COLGALT2: variants seen among roughly 807,000 people sequenced by gnomAD.
The protein encoded by COLGALT2 is procollagen galactosyltransferase 2.
In COLGALT2, 49 loss-of-function variants were observed where a neutral mutation model predicts 73.4. That is an observed-to-expected ratio of 0.67 (90% CI 0.53 to 0.85). The LOEUF is 0.85. Ranked by LOEUF, COLGALT2 falls within the 40% of genes least tolerant of loss-of-function variation. The pLI, the probability that COLGALT2 is intolerant of heterozygous loss-of-function variation, is 0.00. For missense variants in COLGALT2, 722 were observed against 790.2 expected, an observed-to-expected ratio of 0.91 and a Z score of 1.03; for synonymous variants, 295 against 307.6, an observed-to-expected ratio of 0.96 and a Z score of 0.43.
chr1:183,989,092 T>A (rs1347357539), intron 1 of COLGALT2, among the ~76,000 whole-genome samples: 1 of 152,254 alleles, frequency 6.6e-6, no homozygotes, highest in African/African-American at 2.4e-5. Context: ...CTTTGATATG[T>A]ATTTTTCTTA....
chr1:184,018,275 GAAAAA>G (rs5779195), intron 1 of COLGALT2, among the ~76,000 whole-genome samples: 2 of 151,372 alleles, frequency 1.3e-5, no homozygotes, highest in Admixed American at 1.3e-4. Flanking sequence ...GTTTCAAAAA[GAAAAA>G]AAAAATTATA....
Position 183,936,864 on chromosome 1 carries a change from A to T in COLGALT2, c.*1897T>A. On this transcript the variant is annotated 3_prime_UTR_variant, in exon 12 of 12. Transcript: ENST00000361927. ...CTGGTCAGTGTAGAAGGGTACCCACAGTGAGTCGGGAAGGAAGGCCGAGGC... is the reference window on the plus strand; with the variant it reads ...CTGGTCAGTGTAGAAGGGTACCCACTGTGAGTCGGGAAGGAAGGCCGAGGC... The T allele has an allele frequency of 8.1e-7, 1 of 1,231,760 alleles. No individual in the cohort carries two copies. Among genetic ancestry groups the T allele is most frequent in the Non-Finnish European group, 1.0e-6 (1 of 988,028 alleles). 76.3% of individuals were successfully genotyped at this position (1,231,760 alleles called of 1,614,324 possible).
rs527582907 is a variant in COLGALT2 at position 184,008,839 on chromosome 1, T to C, written c.263+28256A>G. ...GAAAAATACACTGAAGTATTTTTAG[T>C]AGAGGCATGAGGTTTGCAAACTATC... On this transcript the variant is annotated intron_variant, in intron 1 of 11. Coordinates refer to ENST00000361927, the MANE Select transcript of COLGALT2 (RefSeq NM_015101.4). 6.6e-4 allele frequency among the ~76,000 whole-genome samples: 100 copies of C among 152,304 alleles called. 1 individual carries two copies. In the South Asian group the frequency reaches 0.013, roughly 20 times the overall value.
chr1:183,963,576 G>C (rs1670780126), intron 6 of COLGALT2, among the ~76,000 whole-genome samples: 1 of 152,114 alleles, frequency 6.6e-6, no homozygotes, highest in East Asian at 1.9e-4. Flanking sequence ...CTTGCTCAAA[G>C]TCATATAATT....
intron 1 of COLGALT2, among the ~76,000 whole-genome samples, chr1:183,989,492 TGGA>T (rs1445081402): frequency 6.6e-6 from 1 of 152,192 alleles, no homozygotes; most frequent in East Asian, 1.9e-4. Flanking sequence ...CTCTATTCTC[TGGA>T]GGAGAACTGG....
intron 8 of COLGALT2, 85 bp downstream of exon 8, chr1:183,950,922 A>G (rs1468161932): frequency 7.2e-6 from 7 of 975,242 alleles, no homozygotes; most frequent in Non-Finnish European, 1.1e-5. Flanking sequence ...AGAGACTTAG[A>G]GCCCCACCTG....
rs536075475 is a variant in COLGALT2, at chr1:184,000,137, T to C, written c.264-21617A>G. Among the ~76,000 whole-genome samples, 333 of 152,290 alleles carry C rather than the reference T, an allele frequency of 2.2e-3. 1 individual carries two copies. Among genetic ancestry groups the C allele is most frequent in the African/African-American group, 7.5e-3 (311 of 41,566 alleles). On this transcript the variant is annotated intron_variant, in intron 1 of 11. Coordinates refer to ENST00000361927, the MANE Select transcript of COLGALT2 (RefSeq NM_015101.4). ...ATGGCAATTTTTGAGTTATTTTGCTTTTGGTTTCCGTCTGGTTGTGATATA... is the reference window on the plus strand; with the variant it reads ...ATGGCAATTTTTGAGTTATTTTGCTCTTGGTTTCCGTCTGGTTGTGATATA...
chr1:183,940,000 G>A (rs1670064105), intron 11 of COLGALT2, among the ~76,000 whole-genome samples: 1 of 152,180 alleles, frequency 6.6e-6, no homozygotes, highest in African/African-American at 2.4e-5. Flanking sequence ...CTAGGTCAGG[G>A]TAAGCTCCTG....
intron 10 of COLGALT2, among the ~76,000 whole-genome samples, chr1:183,942,445 AATTT>A (rs1471389840): frequency 6.6e-6 from 1 of 152,192 alleles, no homozygotes; most frequent in Non-Finnish European, 1.5e-5. Context: ...TATTAAAACT[AATTT>A]AGTCTAATTT....
chr1:183,970,575 G>A (rs545616915), intron 4 of COLGALT2, among the ~76,000 whole-genome samples: 4 of 152,302 alleles, frequency 2.6e-5, no homozygotes, highest in South Asian at 4.1e-4. Flanking sequence ...CCGACCCCAT[G>A]ATAAGGGAGG....
intron 5 of COLGALT2, among the ~76,000 whole-genome samples, chr1:183,968,419 A>C (rs766854065): frequency 5.9e-5 from 9 of 152,196 alleles, no homozygotes; most frequent in Non-Finnish European, 7.4e-5. Context: ...TCCAGGCCCC[A>C]CTAGAAATGC....
chr1:183,978,053 T>G (rs888996111), intron 2 of COLGALT2, among the ~76,000 whole-genome samples: 1 of 151,990 alleles, frequency 6.6e-6, no homozygotes, highest in African/African-American at 2.4e-5. Flanking sequence ...AAGATAAAAG[T>G]TGAAAAAAGC....
At chr1:184,024,272 A>T (rs149825884) in intron 1 of COLGALT2, among the ~76,000 whole-genome samples, 10 of 152,310 alleles carry the variant, frequency 6.6e-5, no homozygotes, top group African/African-American at 2.4e-4. Flanking sequence ...AATGCAAAAG[A>T]GCAGTTAAGA....
At chr1:183,978,784 CA>C (rs1242275885) in intron 1 of COLGALT2, among the ~76,000 whole-genome samples, 1 of 152,122 alleles carries the variant, frequency 6.6e-6, no homozygotes, top group Non-Finnish European at 1.5e-5. Context: ...AATAAATAAA[CA>C]CATGAAAACA....
At position 183,959,137 on chromosome 1, in the gene COLGALT2, C is replaced by T. The variant is rs143210430; in HGVS notation, c.953-4299G>A. On this transcript the variant is annotated intron_variant, in intron 6 of 11. Transcript: ENST00000361927. Reference sequence around the variant, plus strand: ...TTGGCTTCTCAGCAGCATCTTGGCTCCGTCTTGAAACACTTCTCAATTTTT... The same window carrying T: ...TTGGCTTCTCAGCAGCATCTTGGCTTCGTCTTGAAACACTTCTCAATTTTT... 1.6e-4 allele frequency among the ~76,000 whole-genome samples: 24 copies of T among 152,268 alleles called. No homozygotes were observed. In the East Asian group the frequency reaches 4.6e-3, roughly 29 times the overall value.
intron 1 of COLGALT2, among the ~76,000 whole-genome samples, chr1:184,033,953 C>T (rs1649591439): frequency 6.6e-6 from 1 of 152,228 alleles, no homozygotes; most frequent in African/African-American, 2.4e-5. Context: ...CCATTTTTGA[C>T]ATCAGCATGT....
At position 183,983,426 on chromosome 1, in the gene COLGALT2, G is replaced by A. The variant is rs151335059; in HGVS notation, c.264-4906C>T. On this transcript the variant is annotated intron_variant, in intron 1 of 11. Transcript: ENST00000361927. ...CACTTCTAACTACTGCCTTGTAATCGCTCTGACAAAAGTATATTTCCATTT... is the reference window on the plus strand; with the variant it reads ...CACTTCTAACTACTGCCTTGTAATCACTCTGACAAAAGTATATTTCCATTT... Among the ~76,000 whole-genome samples the A allele has an allele frequency of 5.3e-5, 8 of 152,260 alleles. No individual in the cohort carries two copies. In the East Asian group the frequency reaches 7.7e-4, roughly 15 times the overall value.
chr1:183,943,951 A>G (rs1670181713), intron 10 of COLGALT2, among the ~76,000 whole-genome samples: 1 of 152,176 alleles, frequency 6.6e-6, no homozygotes, highest in African/African-American at 2.4e-5. Context: ...AAGGTCCCTG[A>G]TCTGCAGGCC....
At chr1:183,978,281 G>T in intron 2 of COLGALT2, 129 bp downstream of exon 2, 1 of 566,240 alleles carries the variant, frequency 1.8e-6, no homozygotes, top group South Asian at 2.5e-5. Context: ...CAGATATTCA[G>T]AACTCACATA....
Sources: allele counts gnomAD v4.1 joint callset (sites outside exome capture counted in the v4.1 genomes callset), GRCh38; gene constraint gnomAD v4.1.1; transcripts MANE v1.5; gene names NCBI Gene and HGNC (gene_info 2026-07-23, HGNC 2026-07-21).